Variants in SPACA7 observed in about 807,000 individuals in gnomAD.
SPACA7 encodes sperm acrosome-associated protein 7.
SPACA7 carries 19 observed loss-of-function variants against 26.3 expected under a neutral mutation model. That is an observed-to-expected ratio of 0.72 (90% CI 0.50 to 1.06). The LOEUF (loss-of-function observed/expected upper bound fraction) is 1.06, where lower values mean the gene tolerates loss of function less well. Among genes scored for constraint, SPACA7 ranks in the 50% least tolerant of loss-of-function variants. SPACA7 has a pLI of 0.00. For synonymous variants in SPACA7, 84 were observed against 84.5 expected, an observed-to-expected ratio of 0.99 and a Z score of 0.04; for missense variants, 211 against 229.9, an observed-to-expected ratio of 0.92 and a Z score of 0.53.
chr13:112,412,538 G>A (rs1267052098), intron 5 of SPACA7, among the ~76,000 whole-genome samples: 2 of 152,112 alleles, frequency 1.3e-5, no homozygotes, highest in African/African-American at 4.8e-5. Context: ...CCAGACAGAT[G>A]TTCTAAAGTG....
At chr13:112,432,343 C>T (rs1454737404) in intron 5 of SPACA7, 101 bp from the exon 6 acceptor site, 1 of 929,388 alleles carries the variant, frequency 1.1e-6, no homozygotes, top group Non-Finnish European at 1.7e-6. Context: ...GTGGGTGCTG[C>T]TTTGCTCAGC....
In SPACA7 at chr13:112,401,185, C is replaced by A. The variant is rs775734586; in HGVS notation, c.445+21C>A. On this transcript the variant is annotated intron_variant, in intron 5 of 6. Transcript: ENST00000283550. Reference sequence around the variant, plus strand: ...TAAAGGTAAATGTGCCCTGCCCACACTGAGAGCTCTGTGGGAGAGACGGAG... The same window carrying A: ...TAAAGGTAAATGTGCCCTGCCCACAATGAGAGCTCTGTGGGAGAGACGGAG... 16 of 1,570,228 alleles carry A rather than the reference C, an allele frequency of 1.0e-5. No individual in the cohort carries two copies. In the East Asian group the frequency reaches 3.6e-4, roughly 35 times the overall value.
chr13:112,386,749 C>A (rs1040928892), intron 1 of SPACA7, among the ~76,000 whole-genome samples: 1 of 152,184 alleles, frequency 6.6e-6, no homozygotes, highest in Non-Finnish European at 1.5e-5. Flanking sequence ...TTTTAATTAA[C>A]CTGACTTTTA....
chr13:112,416,289 TTTG>T (rs1555329209), intron 5 of SPACA7, among the ~76,000 whole-genome samples: 13 of 99,756 alleles, frequency 1.3e-4, no homozygotes, highest in Non-Finnish European at 3.3e-4. Flanking sequence ...GTTGTTGTTG[TTTG>T]TTGTTGTTGT....
chr13:112,423,375 G>T (rs1461814127), intron 5 of SPACA7, among the ~76,000 whole-genome samples: 1 of 152,098 alleles, frequency 6.6e-6, no homozygotes, highest in Admixed American at 6.5e-5. Context: ...CATAGAAATG[G>T]AATTGAGAAC....
At chr13:112,377,844 C>T (rs72669265) in intron 1 of SPACA7, among the ~76,000 whole-genome samples, 3,963 of 152,050 alleles carry the variant, frequency 0.026, 84 homozygotes, top group Non-Finnish European at 0.039. Flanking sequence ...TACAAGTAGT[C>T]GGGAATTTAA....
intron 5 of SPACA7, among the ~76,000 whole-genome samples, chr13:112,420,658 A>T (rs1875861044): frequency 6.6e-6 from 1 of 152,174 alleles, no homozygotes. Context: ...TAGAGGGAGA[A>T]ATCATGGCTG....
At chr13:112,395,649 T>G (rs1885196192) in intron 2 of SPACA7, among the ~76,000 whole-genome samples, 1 of 152,114 alleles carries the variant, frequency 6.6e-6, no homozygotes, top group Non-Finnish European at 1.5e-5. Context: ...TTTTGCATTT[T>G]TAGTAGGACA....
intron 2 of SPACA7, among the ~76,000 whole-genome samples, chr13:112,397,678 C>T (rs1488049502): frequency 1.3e-5 from 2 of 152,154 alleles, no homozygotes; most frequent in Non-Finnish European, 2.9e-5. Flanking sequence ...TCAGGAGCGA[C>T]GCTCACTCAC....
intron 5 of SPACA7, among the ~76,000 whole-genome samples, chr13:112,408,117 C>A (rs541784859): frequency 2.2e-3 from 342 of 152,260 alleles, no homozygotes; most frequent in African/African-American, 8.1e-3. Flanking sequence ...AAAGAAAAAA[C>A]CACATGATTA....
chr13:112,406,617 T>C (rs1434307269), intron 5 of SPACA7, among the ~76,000 whole-genome samples: 3 of 152,198 alleles, frequency 2.0e-5, no homozygotes, highest in Non-Finnish European at 4.4e-5. Context: ...ATGTTCATTA[T>C]CACCAATTAT....
intron 2 of SPACA7, among the ~76,000 whole-genome samples, chr13:112,396,513 A>G (rs1885268472): frequency 6.6e-6 from 1 of 152,126 alleles, no homozygotes; most frequent in Non-Finnish European, 1.5e-5. Flanking sequence ...GAGACCAGGG[A>G]CTGAGGCTGG....
At chr13:112,419,669 A>G (rs1886896071) in intron 5 of SPACA7, among the ~76,000 whole-genome samples, 2 of 152,200 alleles carry the variant, frequency 1.3e-5, no homozygotes, top group African/African-American at 4.8e-5. Flanking sequence ...AGGAAGAGAC[A>G]AGAAATACCA....
chr13:112,428,199 A>G (rs1876727525), intron 5 of SPACA7, among the ~76,000 whole-genome samples: 1 of 152,146 alleles, frequency 6.6e-6, no homozygotes, highest in Non-Finnish European at 1.5e-5. Flanking sequence ...ATAAATTCCA[A>G]TATGTTGTGT....
intron 1 of SPACA7, among the ~76,000 whole-genome samples, chr13:112,392,262 C>T (rs1884939034): frequency 6.6e-6 from 1 of 152,206 alleles, no homozygotes; most frequent in African/African-American, 2.4e-5. Flanking sequence ...GTGCTCAGAA[C>T]CGCCACCCAC....
intron 1 of SPACA7, chr13:112,382,191 T>C: frequency 2.2e-6 from 1 of 447,136 alleles, no homozygotes. Flanking sequence ...TCAGTCATAA[T>C]CTTGCAAACG....
At chr13:112,396,310 G>T (rs1786247102) in intron 2 of SPACA7, among the ~76,000 whole-genome samples, 1 of 152,094 alleles carries the variant, frequency 6.6e-6, no homozygotes, top group African/African-American at 2.4e-5. Flanking sequence ...GCCAGAGTTG[G>T]CCAGGAAGTT....
intron 1 of SPACA7, among the ~76,000 whole-genome samples, chr13:112,388,065 A>G (rs1271033006): frequency 1.3e-5 from 2 of 152,192 alleles, no homozygotes; most frequent in African/African-American, 4.8e-5. Context: ...CAGACAAATA[A>G]GGAGGGTTCT....
chr13:112,390,861 A>G (rs989929933), intron 1 of SPACA7, among the ~76,000 whole-genome samples: 2 of 152,226 alleles, frequency 1.3e-5, no homozygotes, highest in Non-Finnish European at 2.9e-5. Flanking sequence ...AATCCAAACC[A>G]TATCAGCCTC....
Sources: allele counts gnomAD v4.1 joint callset (sites outside exome capture counted in the v4.1 genomes callset), GRCh38; gene constraint gnomAD v4.1.1; transcripts MANE v1.5; gene names NCBI Gene and HGNC (gene_info 2026-07-23, HGNC 2026-07-21).